Variants in MED26 observed in about 807,000 individuals in gnomAD.
MED26 encodes the protein mediator of RNA polymerase II transcription subunit 26.
In MED26, 7 loss-of-function variants were observed where a neutral mutation model predicts 43.7. That is an observed-to-expected ratio of 0.16 (90% confidence interval 0.09 to 0.30). The LOEUF is 0.30. MED26 is among the 10% of genes least tolerant of loss of function. MED26 has a pLI of 1.00. For missense variants in MED26, 784 were observed against 840.6 expected, an observed-to-expected ratio of 0.93 and a Z score of 0.83; for synonymous variants, 375 against 371.1, an observed-to-expected ratio of 1.01 and a Z score of -0.12.
chr19:16,578,709 G>C (rs2086027341), intron 1 of MED26: 2 of 380,762 alleles, frequency 5.3e-6, no homozygotes, highest in Non-Finnish European at 9.5e-6. Context: ...TGGAACAAGA[G>C]CTGCTCCTGA....
In MED26 at chr19:16,606,875, G is replaced by A. The variant is rs376843471; in HGVS notation, c.72+20997C>T. 1.6e-4 allele frequency among the ~76,000 whole-genome samples: 24 copies of A among 152,332 alleles called. 1 individual carries two copies. The highest frequency in any genetic ancestry group is 1.5e-3 in the South Asian group (7 of 4,826). The stretch of plus-strand genomic sequence containing the variant: ...ACCTGGGATGCACAATGCAACTGCT[G>A]CAGACACGAGAATTCATTCAGTCAC... On this transcript the variant is annotated intron_variant, in intron 1 of 2. Coordinates refer to ENST00000263390, the MANE Select transcript of MED26 (RefSeq NM_004831.5).
chr19:16,609,941 T>TAAAAAAAAA (rs869040520), intron 1 of MED26, among the ~76,000 whole-genome samples: 7 of 84,670 alleles, frequency 8.3e-5, no homozygotes, highest in African/African-American at 2.8e-4. Context: ...AAGCACTCTT[T>TAAAAAAAAA]AAAAAAAAAA....
At chr19:16,584,288 A>C (rs2086060166) in intron 1 of MED26, among the ~76,000 whole-genome samples, 1 of 149,140 alleles carries the variant, frequency 6.7e-6, no homozygotes, top group African/African-American at 2.5e-5. Context: ...CCGAAACCCA[A>C]ACACTGCCCC....
intron 1 of MED26, among the ~76,000 whole-genome samples, chr19:16,607,920 G>A (rs991832232): frequency 2.6e-5 from 4 of 152,210 alleles, no homozygotes; most frequent in Admixed American, 2.0e-4. Context: ...TGCTAGACAG[G>A]GCCAATGGGA....
At chr19:16,609,285 C>A (rs1410970398) in intron 1 of MED26, among the ~76,000 whole-genome samples, 1 of 121,144 alleles carries the variant, frequency 8.3e-6, no homozygotes, top group Non-Finnish European at 1.6e-5. Flanking sequence ...GGACTCCAGT[C>A]TGGGTGACAG....
chr19:16,576,721 G>T lies in MED26; in HGVS notation c.1109C>A (p.Ala370Glu), dbSNP rs757060855. ...CTTGGAGGAGTCTGGGGAAAAGCCTGCCCGGGACAGGAGGGGCTCGGCTGG... is the reference window on the plus strand; with the variant it reads ...CTTGGAGGAGTCTGGGGAAAAGCCTTCCCGGGACAGGAGGGGCTCGGCTGG... The part of the protein sequence containing the change: ...LSPAEPLLSR[A>E]GFSPDSSKAD... The change falls in exon 3 of 3, where the codon GCA (alanine) becomes GAA (glutamate). Residue 370 changes from alanine (A) to glutamate (E), a missense_variant. Physicochemically the swap from Ala to Glu is moderately radical, Grantham distance 107. Around this residue, in one of 3 missense-constraint regions of MED26, gnomAD observed 719 missense variants for 730.9 expected, o/e 0.98. Transcript: ENST00000263390. The surrounding 1 kb of genome is among the most constrained non-coding windows in gnomAD (Gnocchi z 6.8). 8 of 1,612,112 alleles carry T rather than the reference G, an allele frequency of 5.0e-6. No homozygotes were observed. In the East Asian group the frequency reaches 1.8e-4, roughly 36 times the overall value.
intron 1 of MED26, among the ~76,000 whole-genome samples, chr19:16,621,037 G>A (rs1197689256): frequency 1.3e-5 from 2 of 152,200 alleles, no homozygotes; most frequent in Non-Finnish European, 2.9e-5. Context: ...GGAAGGAATG[G>A]AATTCAAAAT....
intron 1 of MED26, among the ~76,000 whole-genome samples, chr19:16,615,086 G>T (rs1302737894): frequency 6.6e-6 from 1 of 152,106 alleles, no homozygotes; most frequent in African/African-American, 2.4e-5. Flanking sequence ...AGGGGAATGG[G>T]GGTGGGGGAA....
rs2085992766 is a variant in MED26 at position 16,575,886 on chromosome 19, C to G, written c.*141G>C. On this transcript the variant is annotated 3_prime_UTR_variant, in exon 3 of 3. Coordinates refer to ENST00000263390, the MANE Select transcript of MED26 (RefSeq NM_004831.5). ...AAGAGCGCAGAGAGACCGCGTGACT[C>G]CCGCCCCCTCCCTCCCGCCTGGGCC... 1.5e-6 allele frequency: 1 copy of G among 673,152 alleles called. No individual in the cohort carries two copies. The highest frequency in any genetic ancestry group is 2.5e-6 in the Non-Finnish European group (1 of 397,336). 41.7% of individuals were successfully genotyped at this position (673,152 alleles called of 1,614,324 possible). A position where few individuals can be genotyped will look rare whatever the true frequency, so the allele number is the denominator to read the frequency against.
At chr19:16,617,726 A>G (rs1195705936) in intron 1 of MED26, among the ~76,000 whole-genome samples, 2 of 152,224 alleles carry the variant, frequency 1.3e-5, no homozygotes. Context: ...AGCAGTGCTG[A>G]AGCTTTCCTG....
rs567459536 is a variant in MED26 at position 16,619,144 on chromosome 19, C to T, written c.72+8728G>A. On this transcript the variant is annotated intron_variant, in intron 1 of 2. Transcript: ENST00000263390. ...GTGCTGTGCAGGCAACCAATTAACACGGAAGGAAACAATGTGAACCAATGA... is the reference window on the plus strand; with the variant it reads ...GTGCTGTGCAGGCAACCAATTAACATGGAAGGAAACAATGTGAACCAATGA... Among the ~76,000 whole-genome samples the T allele has an allele frequency of 3.9e-5, 6 of 152,304 alleles. 1 individual carries two copies. The highest frequency in any genetic ancestry group is 5.9e-5 in the Non-Finnish European group (4 of 68,028).
intron 1 of MED26, among the ~76,000 whole-genome samples, chr19:16,623,544 C>T (rs146000157): frequency 1.4e-4 from 22 of 152,284 alleles, no homozygotes; most frequent in East Asian, 7.7e-4. Context: ...GTTGCCACAC[C>T]GTGGTCTGGC....
At chr19:16,625,092 G>C (rs896183314) in intron 1 of MED26, among the ~76,000 whole-genome samples, 2 of 152,168 alleles carry the variant, frequency 1.3e-5, no homozygotes, top group Non-Finnish European at 2.9e-5. Context: ...CACACACTGC[G>C]CTTCGGAGAG....
chr19:16,617,707 T>A (rs978708561), intron 1 of MED26, among the ~76,000 whole-genome samples: 2 of 152,156 alleles, frequency 1.3e-5, no homozygotes, highest in African/African-American at 2.4e-5. Context: ...GCGGAGGAGC[T>A]CACAGGAGAG....
intron 1 of MED26, among the ~76,000 whole-genome samples, chr19:16,602,657 T>G (rs1306280863): frequency 6.6e-6 from 1 of 152,170 alleles, no homozygotes; most frequent in Non-Finnish European, 1.5e-5. Flanking sequence ...CAGGACAGTA[T>G]TTCAGCCTTA....
chr19:16,622,267 G>A (rs968234675), intron 1 of MED26, among the ~76,000 whole-genome samples: 7 of 152,104 alleles, frequency 4.6e-5, no homozygotes, highest in Admixed American at 1.3e-4. Flanking sequence ...CACATGCCAC[G>A]GCACCCCACC....
intron 1 of MED26, among the ~76,000 whole-genome samples, chr19:16,614,458 C>T (rs1236387368): frequency 2.0e-5 from 3 of 151,280 alleles, no homozygotes; most frequent in Non-Finnish European, 4.4e-5. Context: ...GAGCCGGGGA[C>T]GTAGAGGTTG....
intron 1 of MED26, among the ~76,000 whole-genome samples, chr19:16,585,141 G>A (rs1357193319): frequency 6.6e-6 from 1 of 152,156 alleles, no homozygotes; most frequent in Non-Finnish European, 1.5e-5. Context: ...TCTGGTACTG[G>A]GCTGCTGCTT....
chr19:16,594,575 A>G (rs912607448), intron 1 of MED26, among the ~76,000 whole-genome samples: 1 of 152,202 alleles, frequency 6.6e-6, no homozygotes, highest in Non-Finnish European at 1.5e-5. Flanking sequence ...TAGGAGAGGC[A>G]CTGAAGTGGC....
Sources: allele counts gnomAD v4.1 joint callset (sites outside exome capture counted in the v4.1 genomes callset), GRCh38; gene constraint gnomAD v4.1.1; regional missense constraint gnomAD v4.1.1; non-coding constraint Gnocchi (gnomAD v3.1); transcripts MANE v1.5; gene names NCBI Gene and HGNC (gene_info 2026-07-23, HGNC 2026-07-21).